AKAP6: variants seen among roughly 807,000 people sequenced by gnomAD.
AKAP6 encodes the protein A-kinase anchor protein 6.
In AKAP6, 58 loss-of-function variants were observed where a neutral mutation model predicts 188.5. That is an observed-to-expected ratio of 0.31 (90% CI 0.25 to 0.38). The LOEUF (loss-of-function observed/expected upper bound fraction) is 0.38, where lower values mean the gene tolerates loss of function less well. Ranked by LOEUF, AKAP6 falls within the 10% of genes least tolerant of loss-of-function variation. The pLI is 1.00. For synonymous variants in AKAP6, 989 were observed against 998.6 expected, an observed-to-expected ratio of 0.99 and a Z score of 0.18; for missense variants, 2,710 against 2,740.0, an observed-to-expected ratio of 0.99 and a Z score of 0.24.
intron 1 of AKAP6, among the ~76,000 whole-genome samples, chr14:32,391,502 A>G (rs1021444955): frequency 6.6e-6 from 1 of 152,202 alleles, no homozygotes; most frequent in Non-Finnish European, 1.5e-5. Context: ...GCTTTCCTTC[A>G]AAGCATATTC....
chr14:32,806,104 G>A (rs906774437), intron 12 of AKAP6, among the ~76,000 whole-genome samples: 2 of 152,088 alleles, frequency 1.3e-5, no homozygotes, highest in Non-Finnish European at 2.9e-5. Context: ...CTGAACCTGG[G>A]GGCAGATAAT....
Position 32,744,612 on chromosome 14 carries a change from C to T in AKAP6, c.3372+8730C>T, listed in dbSNP as rs565362610. On this transcript the variant is annotated intron_variant, in intron 11 of 13. Coordinates refer to ENST00000280979, the MANE Select transcript of AKAP6 (RefSeq NM_004274.5). The stretch of plus-strand genomic sequence containing the variant: ...GATTACAGGCATGAGCCACTGCACC[C>T]GGTCCTTGGTATAATATTCTTGTAC... Among the ~76,000 whole-genome samples the T allele has an allele frequency of 1.3e-3, 205 of 152,246 alleles. 1 individual carries two copies. The highest frequency in any genetic ancestry group is 1.8e-3 in the Non-Finnish European group (125 of 68,026).
intron 7 of AKAP6, among the ~76,000 whole-genome samples, chr14:32,665,401 C>T (rs764761005): frequency 3.9e-5 from 6 of 152,000 alleles, no homozygotes; most frequent in Non-Finnish European, 7.4e-5. Context: ...CACTTATTTA[C>T]ATTTACTGAT....
At chr14:32,679,336 G>T (rs1246973578) in intron 8 of AKAP6, among the ~76,000 whole-genome samples, 1 of 152,000 alleles carries the variant, frequency 6.6e-6, no homozygotes. Context: ...TAATAGTTAT[G>T]CTCATAAAAA....
chr14:32,341,480 A>T (rs1371997604), intron 1 of AKAP6, among the ~76,000 whole-genome samples: 1 of 152,216 alleles, frequency 6.6e-6, no homozygotes, highest in Non-Finnish European at 1.5e-5. Context: ...CTATTTTTAT[A>T]ACTCAGTGAT....
intron 1 of AKAP6, among the ~76,000 whole-genome samples, chr14:32,342,554 A>T (rs1886923213): frequency 6.6e-6 from 1 of 152,170 alleles, no homozygotes; most frequent in Non-Finnish European, 1.5e-5. Context: ...AACTGATATT[A>T]TTAGACATTT....
At chr14:32,807,207 G>T (rs2034113360) in intron 12 of AKAP6, among the ~76,000 whole-genome samples, 1 of 151,696 alleles carries the variant, frequency 6.6e-6, no homozygotes, top group Non-Finnish European at 1.5e-5. Flanking sequence ...AATTAGCCAG[G>T]CATGGTGGCA....
At chr14:32,461,985 T>C (rs1003471068) in intron 2 of AKAP6, among the ~76,000 whole-genome samples, 2 of 151,682 alleles carry the variant, frequency 1.3e-5, no homozygotes, top group Middle Eastern at 3.4e-3. Flanking sequence ...ATATCAGAGA[T>C]TGAAGATCAA....
intron 10 of AKAP6, 110 bp from the exon 11 acceptor site, chr14:32,735,538 CAACAAAACTG>C (rs1409849072): frequency 1.4e-6 from 1 of 721,104 alleles, no homozygotes; most frequent in Non-Finnish European, 2.2e-6. Flanking sequence ...CTCTCGTTAC[CAACAAAACTG>C]TGGTGTGTTT....
intron 1 of AKAP6, among the ~76,000 whole-genome samples, chr14:32,412,715 C>T (rs766636897): frequency 2.6e-5 from 4 of 152,154 alleles, no homozygotes; most frequent in Non-Finnish European, 5.9e-5. Flanking sequence ...TAGTTACACT[C>T]TTCAAGTCTC....
chr14:32,380,795 G>T (rs1249867163), intron 1 of AKAP6, among the ~76,000 whole-genome samples: 1 of 152,138 alleles, frequency 6.6e-6, no homozygotes. Flanking sequence ...ACCACTTGTA[G>T]TCAGTTATAG....
At chr14:32,611,897 G>A (rs536109480) in intron 7 of AKAP6, among the ~76,000 whole-genome samples, 1 of 152,200 alleles carries the variant, frequency 6.6e-6, no homozygotes, top group South Asian at 2.1e-4. Context: ...TGAATCAGTG[G>A]ATCTGTGATT....
At chr14:32,825,329 A>T (rs2034647536) in intron 13 of AKAP6, among the ~76,000 whole-genome samples, 3 of 152,168 alleles carry the variant, frequency 2.0e-5, no homozygotes, top group South Asian at 4.1e-4. Context: ...TCCCCAGTGG[A>T]AGACTGTGCT....
intron 2 of AKAP6, among the ~76,000 whole-genome samples, chr14:32,462,321 A>G (rs1566517149): frequency 6.6e-6 from 1 of 152,210 alleles, no homozygotes; most frequent in African/African-American, 2.4e-5. Context: ...TATTAAGGGT[A>G]GCCAGAGAGA....
intron 2 of AKAP6, among the ~76,000 whole-genome samples, chr14:32,466,625 T>C (rs1310994347): frequency 6.6e-6 from 1 of 150,480 alleles, no homozygotes; most frequent in South Asian, 2.1e-4. Flanking sequence ...ACCTAATGCA[T>C]GCGGGGCTTA....
At chr14:32,424,065 A>C (rs1444398357) in intron 1 of AKAP6, among the ~76,000 whole-genome samples, 1 of 152,200 alleles carries the variant, frequency 6.6e-6, no homozygotes, top group Non-Finnish European at 1.5e-5. Context: ...TTGTGTTAAT[A>C]AAGTCTTTGC....
chr14:32,352,983 T>C (rs1887341845), intron 1 of AKAP6, among the ~76,000 whole-genome samples: 1 of 152,236 alleles, frequency 6.6e-6, no homozygotes, highest in African/African-American at 2.4e-5. Context: ...CTGTTTTCCA[T>C]AACAGCTGTA....
At chr14:32,399,656 A>G (rs1238660691) in intron 1 of AKAP6, among the ~76,000 whole-genome samples, 1 of 152,178 alleles carries the variant, frequency 6.6e-6, no homozygotes, top group African/African-American at 2.4e-5. Context: ...CTTCCAGCCC[A>G]GGCTGATTTC....
At chr14:32,689,359 G>A (rs1251587301) in intron 8 of AKAP6, among the ~76,000 whole-genome samples, 1 of 151,924 alleles carries the variant, frequency 6.6e-6, no homozygotes, top group Non-Finnish European at 1.5e-5. Context: ...AGGTGTTGGT[G>A]GACAGATGGT....
Sources: allele counts gnomAD v4.1 joint callset (sites outside exome capture counted in the v4.1 genomes callset), GRCh38; gene constraint gnomAD v4.1.1; transcripts MANE v1.5; gene names NCBI Gene and HGNC (gene_info 2026-07-23, HGNC 2026-07-21).